BCL7C: variants seen among roughly 807,000 people sequenced by gnomAD.
BCL7C encodes BAF chromatin remodeling complex subunit BCL7C.
In BCL7C, 8 loss-of-function variants were observed where a neutral mutation model predicts 26.2. That is an observed-to-expected ratio of 0.30 (90% CI 0.18 to 0.55). The LOEUF is 0.55. Among genes scored for constraint, BCL7C ranks in the 20% least tolerant of loss-of-function variants. The pLI is 0.93. For synonymous variants in BCL7C, 90 were observed against 116.5 expected (o/e 0.77, Z 1.47); for missense variants, 262 against 298.5 (o/e 0.88, Z 0.90).
intron 5 of BCL7C, among the ~76,000 whole-genome samples, chr16:30,878,160 G>C (rs2054982139): frequency 6.6e-6 from 1 of 150,828 alleles, no homozygotes; most frequent in African/African-American, 2.4e-5. Flanking sequence ...GGGCGATAGA[G>C]CTAAACTCAA....
At chr16:30,857,434 A>C (rs2054732601) in intron 5 of BCL7C, among the ~76,000 whole-genome samples, 1 of 151,792 alleles carries the variant, frequency 6.6e-6, no homozygotes, top group Non-Finnish European at 1.5e-5. Context: ...AGAGCTTTTC[A>C]AGGAGTCAGC....
At chr16:30,871,053 G>A (rs2143023299) in intron 5 of BCL7C, among the ~76,000 whole-genome samples, 1 of 152,306 alleles carries the variant, frequency 6.6e-6, no homozygotes, top group South Asian at 2.1e-4. Flanking sequence ...CAGGCCAGGG[G>A]AACAGTTGTT....
At chr16:30,851,828 C>T (rs1174256576) in intron 5 of BCL7C, 2 of 266,634 alleles carry the variant, frequency 7.5e-6, no homozygotes, top group Non-Finnish European at 1.4e-5. Context: ...TGGTTGTTGC[C>T]GGTTGTCATA....
chr16:30,887,576 C>T (rs1466773600), downstream of BCL7C, among the ~76,000 whole-genome samples: 1 of 151,584 alleles, frequency 6.6e-6, no homozygotes, highest in Non-Finnish European at 1.5e-5. Flanking sequence ...GGGTCCTGGG[C>T]CTCCCAGAGG....
In BCL7C at chr16:30,835,154, C is replaced by A. The variant is rs1375244783; in HGVS notation, c.529-6G>T. 3 of 1,475,702 alleles carry A rather than the reference C, an allele frequency of 2.0e-6. No homozygotes were observed. The South Asian group carries it at 4.0e-5, about 20-fold the overall frequency. The allele number at this position is 1,475,702 out of a possible 1,614,324, so 91.4% of individuals were successfully genotyped here. On this transcript the variant is annotated splice_polypyrimidine_tract_variant and splice_region_variant and intron_variant, in intron 5 of 5. Coordinates refer to the BCL7C transcript ENST00000380317. ...GTCATTCTCACTCCCGAATCCTGTACGGAGAAAAGAAGAATCTGGGTAGTG... is the reference window on the plus strand; with the variant it reads ...GTCATTCTCACTCCCGAATCCTGTAAGGAGAAAAGAAGAATCTGGGTAGTG...
chr16:30,870,278 T>C (rs2054871251), intron 5 of BCL7C, among the ~76,000 whole-genome samples: 5 of 152,202 alleles, frequency 3.3e-5, no homozygotes. Context: ...GTGAGACTTC[T>C]TTTTTATAAG....
intron 5 of BCL7C, among the ~76,000 whole-genome samples, chr16:30,839,050 C>CGATCT (rs998505408): frequency 1.3e-5 from 2 of 152,188 alleles, no homozygotes; most frequent in African/African-American, 4.8e-5. Flanking sequence ...CTACTGAGAT[C>CGATCT]AAGGCCACTC....
rs1323152027 is a variant in BCL7C, at chr16:30,887,924, C to CTTT, written c.594_595insAAA (p.Thr198_Glu199insLys). 1 of 1,605,586 alleles carries CTTT rather than the reference C, an allele frequency of 6.2e-7. No homozygotes were observed. Among genetic ancestry groups the CTTT allele is most frequent in the East Asian group, 2.3e-5 (1 of 43,776 alleles). On this transcript the variant is annotated inframe_insertion, in exon 6 of 6. Transcript: ENST00000215115. ...AGTGGGGGGGCACCCTCCGAGTCCT[C>CTTT]TGTGTCACCCTGGGCTGCCTCAGGG...
chr16:30,875,857 T>C (rs1399635473), intron 5 of BCL7C: 1 of 152,248 alleles, frequency 6.6e-6, no homozygotes, highest in Non-Finnish European at 1.5e-5. Context: ...GGTTGAAAGA[T>C]GGATGACCCC....
At chr16:30,884,185 G>T (rs1440971432), downstream of BCL7C, among the ~76,000 whole-genome samples, 1 of 151,320 alleles carries the variant, frequency 6.6e-6, no homozygotes, top group Non-Finnish European at 1.5e-5. Flanking sequence ...ATGCCTGGGG[G>T]GAATCAGGAC....
intron 5 of BCL7C, among the ~76,000 whole-genome samples, chr16:30,863,400 C>T (rs575306472): frequency 1.9e-4 from 29 of 152,306 alleles, no homozygotes; most frequent in African/African-American, 5.5e-4. Flanking sequence ...TCCTGCACCA[C>T]CATGCTGTTA....
chr16:30,844,445 C>G (rs1484416725), intron 5 of BCL7C, among the ~76,000 whole-genome samples: 1 of 150,992 alleles, frequency 6.6e-6, no homozygotes, highest in Non-Finnish European at 1.5e-5. Flanking sequence ...TATCTGGGAA[C>G]AGCAGCTACA....
At chr16:30,872,187 G>C (rs2054887685) in intron 5 of BCL7C, among the ~76,000 whole-genome samples, 1 of 152,192 alleles carries the variant, frequency 6.6e-6, no homozygotes, top group African/African-American at 2.4e-5. Context: ...GATGGCAAGA[G>C]GTGGGAAAGT....
At chr16:30,863,081 C>T (rs1442883752) in intron 5 of BCL7C, among the ~76,000 whole-genome samples, 1 of 152,092 alleles carries the variant, frequency 6.6e-6, no homozygotes, top group Non-Finnish European at 1.5e-5. Flanking sequence ...CCTGATAACA[C>T]ACCTGACCCC....
At chr16:30,847,857 C>T (rs149548050) in intron 5 of BCL7C, among the ~76,000 whole-genome samples, 123 of 151,962 alleles carry the variant, frequency 8.1e-4, no homozygotes, top group Middle Eastern at 3.4e-3. Context: ...CAGATACACA[C>T]TGAGACCCAG....
rs541152851 is a variant in BCL7C, at chr16:30,877,509, G to C, written c.528+11351C>G. On this transcript the variant is annotated intron_variant, in intron 5 of 5. Coordinates refer to the BCL7C transcript ENST00000380317. ...GGCCCGAGTGCAGTGGCACTATCTC[G>C]GCTCACTGCAAGCTCCGCCTCCTGG... is the stretch of plus-strand genomic sequence containing the variant. 5.6e-4 allele frequency among the ~76,000 whole-genome samples: 84 copies of C among 150,868 alleles called. No homozygotes were observed. In the South Asian group the frequency reaches 8.0e-3, roughly 14 times the overall value.
rs750408627 is a variant in BCL7C, at chr16:30,892,635, TG to T, written c.392del (p.Pro131GlnfsTer22). 1 of 1,610,888 alleles carries T rather than the reference TG, an allele frequency of 6.2e-7. No homozygotes were observed. The highest frequency in any genetic ancestry group is 1.1e-5 in the South Asian group (1 of 90,720). ...GCTGAGCCTCCTCAGGGACCCCTTC[TG>T]GGGGTCCGGCAGGTGACACAGGGCG... ...PSRPVSPAGP[P>X]EGVPEEAQPP... On this transcript the variant is annotated frameshift_variant, in exon 4 of 6. Transcript: ENST00000215115. LOFTEE classifies it high-confidence loss of function.
chr16:30,842,042 T>G (rs2054605927), intron 5 of BCL7C, among the ~76,000 whole-genome samples: 1 of 151,186 alleles, frequency 6.6e-6, no homozygotes. Context: ...TATACTCTTC[T>G]GTCTTTGTCT....
chr16:30,869,346 C>G (rs2054862217), intron 5 of BCL7C, among the ~76,000 whole-genome samples: 1 of 151,964 alleles, frequency 6.6e-6, no homozygotes, highest in Non-Finnish European at 1.5e-5. Flanking sequence ...GTAGCTGGGA[C>G]TACAGGCGCC....
Sources: allele counts gnomAD v4.1 joint callset (sites outside exome capture counted in the v4.1 genomes callset), GRCh38; gene constraint gnomAD v4.1.1; transcripts MANE v1.5; gene names NCBI Gene and HGNC (gene_info 2026-07-23, HGNC 2026-07-21).